Variants in SLC4A10 observed in about 807,000 individuals in gnomAD.
SLC4A10 encodes the protein solute carrier family 4 member 10, also known as sodium-driven chloride bicarbonate exchanger.
SLC4A10 carries 42 observed loss-of-function variants against 137.7 expected under a neutral mutation model. The observed-to-expected ratio is 0.30, with a 90% confidence interval of 0.24 to 0.39. The LOEUF (loss-of-function observed/expected upper bound fraction) is 0.39. SLC4A10 is among the 10% of genes least tolerant of loss of function. The pLI is 1.00. For synonymous variants in SLC4A10, 474 were observed against 464.1 expected (o/e 1.02, Z -0.27); for missense variants, 925 against 1,355.0 (o/e 0.68, Z 4.98).
chr2:161,971,879 C>T (rs1365166489), intron 23 of SLC4A10, among the ~76,000 whole-genome samples: 1 of 152,184 alleles, frequency 6.6e-6, no homozygotes, highest in African/African-American at 2.4e-5. Flanking sequence ...AAAGCCCACA[C>T]ATGCTAACAA....
chr2:161,664,277 G>A (rs545976264), intron 1 of SLC4A10, among the ~76,000 whole-genome samples: 3 of 152,010 alleles, frequency 2.0e-5, no homozygotes, highest in South Asian at 2.1e-4. Flanking sequence ...ACGCTTTTGT[G>A]CAGTATTATC....
chr2:161,840,017 T>C (rs759456851), intron 4 of SLC4A10, 90 bp downstream of exon 4: 13 of 1,493,282 alleles, frequency 8.7e-6, no homozygotes, highest in Admixed American at 1.8e-5. Context: ...TTTGCAAACA[T>C]CTATGATTGC....
intron 1 of SLC4A10, among the ~76,000 whole-genome samples, chr2:161,663,008 C>T (rs1199043618): frequency 1.3e-5 from 2 of 152,170 alleles, no homozygotes; most frequent in East Asian, 3.8e-4. Flanking sequence ...CACCCCCCTT[C>T]CCCCAACTTA....
chr2:161,890,979 A>G (rs1010679974), intron 10 of SLC4A10, among the ~76,000 whole-genome samples: 3 of 152,086 alleles, frequency 2.0e-5, no homozygotes, highest in Admixed American at 2.0e-4. Flanking sequence ...AGCTCTTGTA[A>G]GGCAGGCCTG....
chr2:161,659,530 T>C (rs954702039), intron 1 of SLC4A10, among the ~76,000 whole-genome samples: 2 of 152,178 alleles, frequency 1.3e-5, no homozygotes, highest in African/African-American at 4.8e-5. Flanking sequence ...GAAATTACTT[T>C]ATGGGTACAT....
chr2:161,775,643 G>A (rs1404710220), intron 2 of SLC4A10, among the ~76,000 whole-genome samples: 1 of 151,832 alleles, frequency 6.6e-6, no homozygotes, highest in South Asian at 2.1e-4. Context: ...ATGAAGAGGT[G>A]AGGCGAGTTT....
intron 3 of SLC4A10, among the ~76,000 whole-genome samples, chr2:161,806,813 A>C (rs1033317234): frequency 1.3e-5 from 2 of 151,990 alleles, no homozygotes; most frequent in Non-Finnish European, 2.9e-5. Flanking sequence ...AACTGTTCCA[A>C]CTTCTGCCTG....
At chr2:161,945,904 A>G (rs980722420) in intron 16 of SLC4A10, among the ~76,000 whole-genome samples, 1 of 151,952 alleles carries the variant, frequency 6.6e-6, no homozygotes, top group East Asian at 1.9e-4. Flanking sequence ...AGAAATGACA[A>G]AAGATGCTCA....
At chr2:161,893,052 A>C (rs2063081368) in intron 10 of SLC4A10, among the ~76,000 whole-genome samples, 1 of 152,112 alleles carries the variant, frequency 6.6e-6, no homozygotes, top group Admixed American at 6.6e-5. Flanking sequence ...GTGTTTTCTC[A>C]GTCACTAAAC....
At chr2:161,888,199 T>A (rs866401957) in intron 10 of SLC4A10, among the ~76,000 whole-genome samples, 2 of 151,666 alleles carry the variant, frequency 1.3e-5, no homozygotes, top group East Asian at 3.9e-4. Flanking sequence ...GGTTTTTCCA[T>A]GTAGTATAGT....
At chr2:161,679,494 TACATGATG>T (rs1210403430) in intron 1 of SLC4A10, among the ~76,000 whole-genome samples, 1 of 152,082 alleles carries the variant, frequency 6.6e-6, no homozygotes, top group Non-Finnish European at 1.5e-5. Flanking sequence ...AATGCAAAAT[TACATGATG>T]ACATGTAAAA....
intron 15 of SLC4A10, among the ~76,000 whole-genome samples, chr2:161,932,869 TCTTTTC>T: frequency 1.3e-5 from 2 of 152,070 alleles, no homozygotes; most frequent in South Asian, 2.1e-4. Context: ...CTAGGTCTGA[TCTTTTC>T]TCCCCATACT....
intron 1 of SLC4A10, among the ~76,000 whole-genome samples, chr2:161,646,165 A>G (rs1293919315): frequency 6.6e-6 from 1 of 152,030 alleles, no homozygotes; most frequent in African/African-American, 2.4e-5. Flanking sequence ...TAATGCAGCT[A>G]AGCAGATAAA....
intron 1 of SLC4A10, among the ~76,000 whole-genome samples, chr2:161,636,033 A>G (rs1270223289): frequency 6.6e-6 from 1 of 152,176 alleles, no homozygotes; most frequent in East Asian, 1.9e-4. Context: ...GTTCAATTTT[A>G]GCAGAATTTG....
chr2:161,934,044 G>T (rs1164876185), intron 15 of SLC4A10, among the ~76,000 whole-genome samples: 1 of 152,094 alleles, frequency 6.6e-6, no homozygotes, highest in Non-Finnish European at 1.5e-5. Flanking sequence ...CACAGTAAGT[G>T]TGTATATGTA....
chr2:161,896,041 T>C (rs928765869), intron 11 of SLC4A10, among the ~76,000 whole-genome samples: 3 of 151,956 alleles, frequency 2.0e-5, no homozygotes, highest in Non-Finnish European at 4.4e-5. Context: ...GTTTTTATGG[T>C]TTTAGGTCTA....
At chr2:161,857,415 C>G (rs1012608189) in intron 5 of SLC4A10, among the ~76,000 whole-genome samples, 1 of 152,074 alleles carries the variant, frequency 6.6e-6, no homozygotes, top group Non-Finnish European at 1.5e-5. Context: ...TGTAAAATGA[C>G]ATTTAGAATG....
intron 3 of SLC4A10, among the ~76,000 whole-genome samples, chr2:161,806,530 T>C (rs1285563868): frequency 6.6e-6 from 1 of 152,218 alleles, no homozygotes; most frequent in Admixed American, 6.5e-5. Context: ...TAGAAATTTC[T>C]TCTGCCAGAT....
chr2:161,667,804 G>A (rs1245312948), intron 1 of SLC4A10, among the ~76,000 whole-genome samples: 1 of 151,632 alleles, frequency 6.6e-6, no homozygotes, highest in African/African-American at 2.4e-5. Context: ...TGTGGTAGCA[G>A]ATTTTCATAT....
Sources: allele counts gnomAD v4.1 joint callset (sites outside exome capture counted in the v4.1 genomes callset), GRCh38; gene constraint gnomAD v4.1.1; transcripts MANE v1.5; gene names NCBI Gene and HGNC (gene_info 2026-07-23, HGNC 2026-07-21).